Variants in RPS6KA2 observed in about 807,000 individuals in gnomAD.
RPS6KA2 encodes ribosomal protein S6 kinase alpha-2.
In RPS6KA2, 42 loss-of-function variants were observed where a neutral mutation model predicts 91.8. The observed-to-expected ratio is 0.46, with a 90% CI of 0.36 to 0.59. The LOEUF (loss-of-function observed/expected upper bound fraction) is 0.59, where lower values mean the gene tolerates loss of function less well. RPS6KA2 is among the 20% of genes least tolerant of loss of function. The pLI is 0.00. For missense variants in RPS6KA2, 798 were observed against 978.5 expected (o/e 0.82, Z 2.46); for synonymous variants, 414 against 393.6 (o/e 1.05, Z -0.61).
intron 2 of RPS6KA2, among the ~76,000 whole-genome samples, chr6:166,783,153 T>A (rs1302745870): frequency 2.0e-5 from 3 of 151,308 alleles, no homozygotes; most frequent in Non-Finnish European, 2.9e-5. Flanking sequence ...CAGTGGAGGC[T>A]TCACAGCTCA....
At chr6:166,535,966 G>A (rs145153084) in intron 2 of RPS6KA2, among the ~76,000 whole-genome samples, 227 of 152,336 alleles carry the variant, frequency 1.5e-3, no homozygotes, top group African/African-American at 5.1e-3. Flanking sequence ...GAAGAGCAGC[G>A]GCTTCGGAGA....
rs1790549363 is a variant in RPS6KA2, at chr6:166,732,260, C to G, written c.123+125940G>C. Among the ~76,000 whole-genome samples, 1 of 152,250 alleles carries G rather than the reference C, an allele frequency of 6.6e-6. No individual in the cohort carries two copies. The highest frequency in any genetic ancestry group is 2.4e-5 in the African/African-American group (1 of 41,532). On this transcript the variant is annotated intron_variant, in intron 2 of 21. Transcript: ENST00000503859. The surrounding 1 kb of genome is among the most constrained non-coding windows in gnomAD (Gnocchi z 4.0). Reference sequence around the variant, plus strand: ...GCACTTCTGTATAGCTTCATGATTCCCCCAAAATAGACTGATAAAAATACA... The same window carrying G: ...GCACTTCTGTATAGCTTCATGATTCGCCCAAAATAGACTGATAAAAATACA...
intron 2 of RPS6KA2, among the ~76,000 whole-genome samples, chr6:166,785,532 C>T (rs538139594): frequency 6.6e-6 from 1 of 152,354 alleles, no homozygotes; most frequent in African/African-American, 2.4e-5. Flanking sequence ...GGTTGCTCCA[C>T]GCCAGGCATG....
At chr6:166,744,234 C>T (rs890670705) in intron 2 of RPS6KA2, among the ~76,000 whole-genome samples, 22 of 152,272 alleles carry the variant, frequency 1.4e-4, no homozygotes, top group Non-Finnish European at 2.9e-4. Context: ...GGACAGCCAG[C>T]CCTGTGGATG....
intron 2 of RPS6KA2, among the ~76,000 whole-genome samples, chr6:166,687,648 T>C (rs1379326046): frequency 6.6e-6 from 1 of 152,260 alleles, no homozygotes; most frequent in African/African-American, 2.4e-5. Context: ...AATCCAGTCA[T>C]TTTAATTTGC....
At chr6:166,475,825 G>C (rs1024214923) in intron 10 of RPS6KA2, 1 of 524,350 alleles carries the variant, frequency 1.9e-6, no homozygotes, top group South Asian at 1.4e-5. Context: ...CGGGGGCAGA[G>C]GGCCGTTTTC....
chr6:166,485,609 C>T (rs1219982973), intron 10 of RPS6KA2, among the ~76,000 whole-genome samples: 2 of 152,158 alleles, frequency 1.3e-5, no homozygotes, highest in Non-Finnish European at 2.9e-5. Context: ...ACCAGGGCAC[C>T]GCGATGCATT....
intron 2 of RPS6KA2, among the ~76,000 whole-genome samples, chr6:166,791,145 C>T (rs1779076687): frequency 6.6e-6 from 1 of 151,866 alleles, no homozygotes; most frequent in Non-Finnish European, 1.5e-5. Flanking sequence ...CACACATAGG[C>T]TCAAAATAAA....
At chr6:166,546,155 G>A (rs1783819455) in intron 1 of RPS6KA2, among the ~76,000 whole-genome samples, 1 of 152,132 alleles carries the variant, frequency 6.6e-6, no homozygotes, top group South Asian at 2.1e-4. Context: ...TACTAGCATC[G>A]GGGAATGAGA....
intron 3 of RPS6KA2, among the ~76,000 whole-genome samples, chr6:166,530,998 G>C (rs772444160): frequency 3.3e-5 from 5 of 152,272 alleles, no homozygotes; most frequent in Admixed American, 2.0e-4. Context: ...ATATGTGGGA[G>C]AATGGTATTT....
chr6:166,776,546 C>T (rs971165063), intron 2 of RPS6KA2, among the ~76,000 whole-genome samples: 1 of 152,192 alleles, frequency 6.6e-6, no homozygotes, highest in Non-Finnish European at 1.5e-5. Flanking sequence ...GCCTCTTCCA[C>T]GCCCATGAAG....
chr6:166,413,555 C>T (rs1268604001), intron 20 of RPS6KA2, among the ~76,000 whole-genome samples: 1 of 152,178 alleles, frequency 6.6e-6, no homozygotes, highest in Non-Finnish European at 1.5e-5. Context: ...TTGAGTGGAA[C>T]AGCCACACCA....
rs1189833826 is a variant in RPS6KA2, at chr6:166,772,011, GCT to G, written c.123+86187_123+86188del. ...CCGGTTTATCGAGGTGAGAATCATAGCTCTGTTTGTTTTATGTTCCCAACTGG... is the reference window on the plus strand; with the variant it reads ...CCGGTTTATCGAGGTGAGAATCATAGCTGTTTGTTTTATGTTCCCAACTGG... On this transcript the variant is annotated intron_variant, in intron 2 of 21. Coordinates refer to the RPS6KA2 transcript ENST00000503859. Among the ~76,000 whole-genome samples the G allele has an allele frequency of 4.0e-5, 6 of 149,824 alleles. No homozygotes were observed. In the East Asian group the frequency reaches 1.2e-3, roughly 29 times the overall value.
At chr6:166,824,155 CTT>C (rs777222730) in intron 2 of RPS6KA2, among the ~76,000 whole-genome samples, 6 of 152,120 alleles carry the variant, frequency 3.9e-5, no homozygotes, top group Non-Finnish European at 5.9e-5. Context: ...ACACACATCT[CTT>C]TGCACCCACG....
chr6:166,745,148 CTTTTT>C (rs147789754), intron 2 of RPS6KA2, among the ~76,000 whole-genome samples: 4 of 105,920 alleles, frequency 3.8e-5, no homozygotes, highest in South Asian at 3.2e-4. Context: ...CCTAATCGGC[CTTTTT>C]TTTTTTTTTT....
At position 166,486,880 on chromosome 6, in the gene RPS6KA2, G is replaced by A. The variant is rs563154986; in HGVS notation, c.907+1953C>T. ...CATCACGGGGTGGGGGTGGGGATGC[G>A]CTAAACAGCCTCAATGCATGGCGCA... On this transcript the variant is annotated intron_variant, in intron 10 of 20. Transcript: ENST00000265678. 1.6e-4 allele frequency among the ~76,000 whole-genome samples: 24 copies of A among 152,146 alleles called. No individual in the cohort carries two copies. In the South Asian group the frequency reaches 4.6e-3, roughly 29 times the overall value.
chr6:166,765,287 A>C (rs759272058), intron 2 of RPS6KA2, among the ~76,000 whole-genome samples: 11 of 152,224 alleles, frequency 7.2e-5, no homozygotes, highest in Non-Finnish European at 1.3e-4. Context: ...CCAGGGCTGC[A>C]GGTCAGCAGG....
At chr6:166,694,444 A>G (rs1789300140) in intron 2 of RPS6KA2, among the ~76,000 whole-genome samples, 8 of 152,244 alleles carry the variant, frequency 5.3e-5, no homozygotes, top group Admixed American at 5.2e-4. Context: ...GTGATTCTTG[A>G]TTCCTTAACT....
chr6:166,840,222 C>T (rs967789354), intron 2 of RPS6KA2, among the ~76,000 whole-genome samples: 1 of 152,082 alleles, frequency 6.6e-6, no homozygotes, highest in African/African-American at 2.4e-5. Flanking sequence ...CATGCTCTGG[C>T]ACCTGGGCAC....
Sources: gnomAD v4.1 joint callset for allele counts (sites outside exome capture counted in the v4.1 genomes callset) on GRCh38, gnomAD v4.1.1 for gene constraint, Gnocchi (gnomAD v3.1) non-coding constraint, MANE v1.5 for transcripts, NCBI Gene and HGNC (gene_info 2026-07-23, HGNC 2026-07-21) for gene names.